Variants in CELF2 observed in about 807,000 individuals in gnomAD.
CELF2 encodes CUG triplet repeat RNA-binding protein 2.
A neutral mutation model predicts 62.6 loss-of-function variants in CELF2; 8 were observed. The observed-to-expected ratio is 0.13, with a 90% CI of 0.07 to 0.23. CELF2 has a LOEUF of 0.23. Ranked by LOEUF, CELF2 falls within the 10% of genes least tolerant of loss-of-function variation. The pLI, the probability that CELF2 is intolerant of heterozygous loss-of-function variation, is 1.00. For synonymous variants in CELF2, 258 were observed against 250.0 expected, an observed-to-expected ratio of 1.03 and a Z score of -0.30; for missense variants, 333 against 671.0, an observed-to-expected ratio of 0.50 and a Z score of 5.56.
chr10:11,087,764 C>T (rs1416726809), intron 1 of CELF2, among the ~76,000 whole-genome samples: 1 of 152,210 alleles, frequency 6.6e-6, no homozygotes, highest in Non-Finnish European at 1.5e-5. Flanking sequence ...AGCAAATGTC[C>T]TTCTACAGCC....
At chr10:10,958,819 C>T (rs1037030997) in intron 2 of CELF2, among the ~76,000 whole-genome samples, 19 of 151,770 alleles carry the variant, frequency 1.3e-4, no homozygotes, top group Non-Finnish European at 2.2e-4. Flanking sequence ...AATCCAGCCT[C>T]GGTAACACAG....
chr10:10,666,861 C>CAAAAAAAAAAAAAAAA, the CELF2 span, among the ~76,000 whole-genome samples: 1 of 25,174 alleles, frequency 4.0e-5, no homozygotes, highest in Admixed American at 3.9e-4. Flanking sequence ...GACTCCGTCT[C>CAAAAAAAAAAAAAAAA]AAAAAAAAAA....
chr10:11,234,022 C>G (rs1432412835), intron 3 of CELF2, among the ~76,000 whole-genome samples: 2 of 152,218 alleles, frequency 1.3e-5, no homozygotes, highest in African/African-American at 4.8e-5. Flanking sequence ...GTGAGATCCA[C>G]GCTCTATACT....
chr10:11,122,280 C>T (rs952029633), intron 1 of CELF2, among the ~76,000 whole-genome samples: 5 of 152,178 alleles, frequency 3.3e-5, no homozygotes, highest in African/African-American at 1.2e-4. Flanking sequence ...AACAGCCTTG[C>T]TTTGCAACCT....
the CELF2 span, among the ~76,000 whole-genome samples, chr10:10,587,484 C>A: frequency 6.6e-6 from 1 of 152,182 alleles, no homozygotes; most frequent in East Asian, 1.9e-4. Context: ...TGTTCAGAAG[C>A]CTTCCCAATT....
chr10:10,589,060 C>G, the CELF2 span, among the ~76,000 whole-genome samples: 1 of 152,192 alleles, frequency 6.6e-6, no homozygotes, highest in Non-Finnish European at 1.5e-5. Context: ...GCTCAGGCTA[C>G]AACTTGGTTT....
chr10:10,502,479 T>C, the CELF2 span, among the ~76,000 whole-genome samples: 3 of 152,058 alleles, frequency 2.0e-5, no homozygotes, highest in African/African-American at 7.2e-5. Context: ...TCATTTCATA[T>C]TGAGTGAATT....
the CELF2 span, among the ~76,000 whole-genome samples, chr10:10,745,076 A>C: frequency 6.6e-6 from 1 of 151,540 alleles, no homozygotes; most frequent in Non-Finnish European, 1.5e-5. Context: ...GATAGGCAGA[A>C]CGTGGCTGCC....
chr10:11,253,626 C>T lies in CELF2; in HGVS notation c.404-4112C>T, dbSNP rs746852148. Among the ~76,000 whole-genome samples the T allele has an allele frequency of 5.2e-4, 79 of 152,074 alleles. 1 individual carries two copies. Among genetic ancestry groups the T allele is most frequent in the Admixed American group, 1.9e-3 (29 of 15,268 alleles). ...AGGTGTGACTTTGACAGATTGTACA[C>T]GCGGGTGTTAGCGCAGACTTACAAT... is the stretch of plus-strand genomic sequence containing the variant. On this transcript the variant is annotated intron_variant, in intron 4 of 12. Transcript: ENST00000633077.
Position 11,328,751 on chromosome 10 carries a change from G to A in CELF2, c.1439-175G>A, listed in dbSNP as rs879712574. ...CAGCTGCTCCACAGCTGCTCAGTGG[G>A]CACGCCCCATCATCCACTCACGGTG... is the stretch of plus-strand genomic sequence containing the variant. On this transcript the variant is annotated intron_variant, in intron 12 of 12. Transcript: ENST00000633077. The surrounding 1 kb of genome is among the most constrained non-coding windows in gnomAD (Gnocchi z 6.4). 6.6e-6 allele frequency among the ~76,000 whole-genome samples: 1 copy of A among 152,098 alleles called. No individual in the cohort carries two copies. Among genetic ancestry groups the A allele is most frequent in the Non-Finnish European group, 1.5e-5 (1 of 68,030 alleles).
chr10:10,946,751 T>A (rs2047727791), intron 2 of CELF2: 1 of 152,234 alleles, frequency 6.6e-6, no homozygotes, highest in Non-Finnish European at 1.5e-5. Context: ...CATTTAGAGA[T>A]GAGGTATAGA....
At chr10:11,134,138 C>CTTG (rs920535462) in intron 1 of CELF2, among the ~76,000 whole-genome samples, 1 of 152,178 alleles carries the variant, frequency 6.6e-6, no homozygotes, top group Non-Finnish European at 1.5e-5. Flanking sequence ...CCTTCCCTTC[C>CTTG]TTGTGCCTGA....
chr10:11,331,933 T>A lies in CELF2; in HGVS notation c.*2880T>A, dbSNP rs2096031147. 1 of 152,400 alleles carries A rather than the reference T, an allele frequency of 6.6e-6. No individual in the cohort carries two copies. The highest frequency in any genetic ancestry group is 2.4e-5 in the African/African-American group (1 of 41,458). The allele number at this position is 152,400 out of a possible 1,614,324, so 9.4% of individuals were successfully genotyped here. A position where few individuals can be genotyped will look rare whatever the true frequency, so the allele number is the denominator to read the frequency against. ...GTTTTGGGGTGTTTCCAATTTGGATTTTTTTCCCTGCATCTATCCTCTAAG... is the reference window on the plus strand; with the variant it reads ...GTTTTGGGGTGTTTCCAATTTGGATATTTTTCCCTGCATCTATCCTCTAAG... On this transcript the variant is annotated 3_prime_UTR_variant, in exon 13 of 13. Transcript: ENST00000633077.
chr10:11,131,993 A>G (rs1347041081), intron 1 of CELF2, among the ~76,000 whole-genome samples: 1 of 152,190 alleles, frequency 6.6e-6, no homozygotes, highest in African/African-American at 2.4e-5. Flanking sequence ...CATCAATAAA[A>G]CCGTAATTTT....
the CELF2 span, among the ~76,000 whole-genome samples, chr10:10,732,417 G>A: frequency 9.9e-5 from 15 of 152,002 alleles, no homozygotes; most frequent in African/African-American, 2.9e-4. Flanking sequence ...CCCTTAAAGC[G>A]CTAGGAGCTG....
chr10:11,020,107 G>T (rs966872281), intron 1 of CELF2, among the ~76,000 whole-genome samples: 3 of 152,116 alleles, frequency 2.0e-5, no homozygotes, highest in Admixed American at 1.3e-4. Context: ...CTGTTCAAGC[G>T]ATTTGCTCTG....
intron 1 of CELF2, among the ~76,000 whole-genome samples, chr10:11,128,119 A>G (rs953234937): frequency 1.3e-5 from 2 of 152,196 alleles, no homozygotes; most frequent in Admixed American, 1.3e-4. Context: ...TTTTCCCAGC[A>G]CCATTTATTA....
At chr10:11,130,709 TA>T (rs1595854910) in intron 1 of CELF2, among the ~76,000 whole-genome samples, 1 of 152,196 alleles carries the variant, frequency 6.6e-6, no homozygotes, top group Non-Finnish European at 1.5e-5. Flanking sequence ...AATGTGTACT[TA>T]AAAAACAGTA....
At chr10:10,649,480 C>A in the CELF2 span, among the ~76,000 whole-genome samples, 1 of 151,962 alleles carries the variant, frequency 6.6e-6, no homozygotes, top group Non-Finnish European at 1.5e-5. Flanking sequence ...TGGATCATTC[C>A]CAAAACTCGT....
Sources: allele counts gnomAD v4.1 joint callset (sites outside exome capture counted in the v4.1 genomes callset), GRCh38; gene constraint gnomAD v4.1.1; non-coding constraint Gnocchi (gnomAD v3.1); transcripts MANE v1.5; gene names NCBI Gene and HGNC (gene_info 2026-07-23, HGNC 2026-07-21).